GLIS3: variants seen among roughly 807,000 people sequenced by gnomAD.
GLIS3 encodes GLIS family zinc finger 3, also known as zinc finger protein GLIS3.
A neutral mutation model predicts 78.6 loss-of-function variants in GLIS3; 53 were observed. The observed-to-expected ratio is 0.67, with a 90% confidence interval of 0.54 to 0.85. The LOEUF is 0.85. Ranked by LOEUF, GLIS3 falls within the 40% of genes least tolerant of loss-of-function variation. The pLI, the probability that GLIS3 is intolerant of heterozygous loss-of-function variation, is 0.00. For missense variants in GLIS3, 1,703 were observed against 1,231.1 expected, an observed-to-expected ratio of 1.38 and a Z score of -5.74; for synonymous variants, 684 against 509.9, an observed-to-expected ratio of 1.34 and a Z score of -4.60.
At chr9:3,965,921 G>A (rs1164895369) in intron 4 of GLIS3, among the ~76,000 whole-genome samples, 1 of 152,210 alleles carries the variant, frequency 6.6e-6, no homozygotes, top group African/African-American at 2.4e-5. Context: ...GTCATTGTTT[G>A]TTAAAACCTC....
chr9:4,181,841 G>T (rs763218796), intron 2 of GLIS3, among the ~76,000 whole-genome samples: 2 of 152,156 alleles, frequency 1.3e-5, no homozygotes, highest in South Asian at 2.1e-4. Flanking sequence ...GACAGACCCC[G>T]TTCCAATTAT....
At position 3,895,103 on chromosome 9, in the gene GLIS3, T is replaced by G. The variant is rs142199080; in HGVS notation, c.2128+3588A>C. 4.6e-3 allele frequency among the ~76,000 whole-genome samples: 697 copies of G among 152,356 alleles called. 4 individuals are homozygous for G. The highest frequency in any genetic ancestry group is 0.014 in the Middle Eastern group (4 of 294). ...TGGACTCCCTGCCAAGACCAGGCACTGTTCCACACTGTCCATGATATCTCA... is the reference window on the plus strand; with the variant it reads ...TGGACTCCCTGCCAAGACCAGGCACGGTTCCACACTGTCCATGATATCTCA... On this transcript the variant is annotated intron_variant, in intron 7 of 10. Transcript: ENST00000381971.
At chr9:4,114,573 G>A (rs1043975010) in intron 4 of GLIS3, among the ~76,000 whole-genome samples, 7 of 152,162 alleles carry the variant, frequency 4.6e-5, no homozygotes, top group African/African-American at 1.7e-4. Context: ...AGCTCAGAAG[G>A]TCAAAATAAA....
the GLIS3 span, among the ~76,000 whole-genome samples, chr9:4,405,779 C>T: frequency 6.6e-6 from 1 of 151,392 alleles, no homozygotes; most frequent in Non-Finnish European, 1.5e-5. Flanking sequence ...AAAAAAACTA[C>T]AGGTCAGTAT....
At chr9:4,256,586 T>C (rs901009987) in intron 2 of GLIS3, among the ~76,000 whole-genome samples, 10 of 152,150 alleles carry the variant, frequency 6.6e-5, no homozygotes, top group Admixed American at 2.6e-4. Context: ...ATATTAAACA[T>C]CAGGCCTATT....
chr9:4,366,898 G>C, the GLIS3 span, among the ~76,000 whole-genome samples: 351 of 152,292 alleles, frequency 2.3e-3, 2 homozygotes, highest in African/African-American at 8.2e-3. Flanking sequence ...TTACAGGCTC[G>C]TGGAAGACCA....
intron 4 of GLIS3, among the ~76,000 whole-genome samples, chr9:4,008,158 G>A (rs1821711741): frequency 6.6e-6 from 1 of 152,150 alleles, no homozygotes; most frequent in South Asian, 2.1e-4. Flanking sequence ...CTGAGAGTGG[G>A]CTTGGCCTAG....
At chr9:4,134,046 C>A (rs1833203126) in intron 2 of GLIS3, among the ~76,000 whole-genome samples, 1 of 152,138 alleles carries the variant, frequency 6.6e-6, no homozygotes. Context: ...AACACTAATA[C>A]AACAGAAAAT....
chr9:4,132,657 C>T (rs1377269364), intron 2 of GLIS3, among the ~76,000 whole-genome samples: 1 of 152,166 alleles, frequency 6.6e-6, no homozygotes, highest in East Asian at 1.9e-4. Flanking sequence ...ATGGAGCCCA[C>T]AGTCTAGCCA....
At chr9:4,392,931 T>C in the GLIS3 span, among the ~76,000 whole-genome samples, 34 of 152,038 alleles carry the variant, frequency 2.2e-4, no homozygotes, top group African/African-American at 7.2e-4. Context: ...TCACCATATA[T>C]TGGATCTTTT....
intron 8 of GLIS3, among the ~76,000 whole-genome samples, chr9:3,868,235 C>T (rs1332173463): frequency 6.6e-6 from 1 of 152,232 alleles, no homozygotes; most frequent in Non-Finnish European, 1.5e-5. Flanking sequence ...CATAAGATGA[C>T]ACGCAGTCGT....
At chr9:3,966,361 A>T (rs1394545253) in intron 4 of GLIS3, among the ~76,000 whole-genome samples, 1 of 152,228 alleles carries the variant, frequency 6.6e-6, no homozygotes, top group African/African-American at 2.4e-5. Context: ...TTATTGAGCA[A>T]ATTCCAAGAA....
At chr9:4,044,637 C>T (rs916283146) in intron 4 of GLIS3, among the ~76,000 whole-genome samples, 10 of 152,162 alleles carry the variant, frequency 6.6e-5, no homozygotes, top group African/African-American at 2.4e-4. Context: ...GGGTTGGGTA[C>T]AGTAGACCTG....
chr9:4,452,975 A>G, the GLIS3 span, among the ~76,000 whole-genome samples: 1 of 152,172 alleles, frequency 6.6e-6, no homozygotes, highest in African/African-American at 2.4e-5. Flanking sequence ...AGATAGACCA[A>G]TGGAACAGAA....
intron 4 of GLIS3, among the ~76,000 whole-genome samples, chr9:3,979,693 CT>C (rs1444059302): frequency 2.0e-5 from 3 of 152,182 alleles, no homozygotes; most frequent in Non-Finnish European, 2.9e-5. Flanking sequence ...TGTCTGGTAC[CT>C]GTTTTCCCCA....
At chr9:4,255,655 G>C (rs1026748299) in intron 2 of GLIS3, among the ~76,000 whole-genome samples, 1 of 152,132 alleles carries the variant, frequency 6.6e-6, no homozygotes, top group Non-Finnish European at 1.5e-5. Context: ...TGATATTTTG[G>C]AAAAGGCAAA....
At chr9:4,310,976 A>G (rs866244770) in intron 2 of GLIS3, among the ~76,000 whole-genome samples, 1 of 152,194 alleles carries the variant, frequency 6.6e-6, no homozygotes, top group African/African-American at 2.4e-5. Flanking sequence ...GCATCTTCAG[A>G]TTTCAATACA....
At chr9:4,148,104 G>T (rs867597679) in intron 2 of GLIS3, among the ~76,000 whole-genome samples, 2 of 151,938 alleles carry the variant, frequency 1.3e-5, no homozygotes, top group Non-Finnish European at 2.9e-5. Context: ...TAAGTTACTG[G>T]TTAACTACAC....
intron 8 of GLIS3, among the ~76,000 whole-genome samples, chr9:3,878,097 A>G (rs931789900): frequency 6.6e-6 from 1 of 152,150 alleles, no homozygotes; most frequent in Non-Finnish European, 1.5e-5. Context: ...CATCTTGGAT[A>G]TGTTCTTCTT....
Sources: allele counts gnomAD v4.1 joint callset (sites outside exome capture counted in the v4.1 genomes callset), GRCh38; gene constraint gnomAD v4.1.1; transcripts MANE v1.5; gene names NCBI Gene and HGNC (gene_info 2026-07-23, HGNC 2026-07-21).